Variants in LRRC3B observed in about 807,000 individuals in gnomAD.
LRRC3B encodes the protein leucine-rich repeat-containing protein 3B.
A neutral mutation model predicts 12.8 loss-of-function variants in LRRC3B; 2 were observed. The observed-to-expected ratio is 0.16, with a 90% CI of 0.06 to 0.49. The LOEUF (loss-of-function observed/expected upper bound fraction) is 0.49. Ranked by LOEUF, LRRC3B falls within the 20% of genes least tolerant of loss-of-function variation. The probability of loss-of-function intolerance (pLI) is 0.96; values close to 1 mark genes in which losing one functional copy is unlikely to be tolerated. For missense variants in LRRC3B, 189 were observed against 319.4 expected (o/e 0.59, Z 3.11); for synonymous variants, 132 against 122.0 (o/e 1.08, Z -0.54).
intron 1 of LRRC3B, chr3:26,625,568 G>T (rs903261278): frequency 6.6e-6 from 1 of 152,188 alleles, no homozygotes; most frequent in Non-Finnish European, 1.5e-5. Flanking sequence ...ACCCCCCCAA[G>T]GCTCATTTCT....
chr3:26,685,523 C>CTCTATATATA (rs1200535225), intron 1 of LRRC3B, among the ~76,000 whole-genome samples: 2 of 38,320 alleles, frequency 5.2e-5, no homozygotes, highest in African/African-American at 2.6e-4. Context: ...CTCTCTCTCT[C>CTCTATATATA]TATATATATA....
At chr3:26,623,712 G>A (rs1698558939) in intron 1 of LRRC3B, 1 of 152,360 alleles carries the variant, frequency 6.6e-6, no homozygotes, top group Admixed American at 6.5e-5. Flanking sequence ...AATAAGAGAG[G>A]TGGGACATGG....
chr3:26,699,064 T>C (rs1384728009), intron 1 of LRRC3B, among the ~76,000 whole-genome samples: 1 of 152,168 alleles, frequency 6.6e-6, no homozygotes, highest in African/African-American at 2.4e-5. Flanking sequence ...TTTTTGTTTT[T>C]TGTTTTTCTT....
rs1491194097 is a variant in LRRC3B at position 26,628,862 on chromosome 3, AAT to A, written c.-161+5626_-161+5627del. 2.9e-3 allele frequency among the ~76,000 whole-genome samples: 434 copies of A among 151,078 alleles called. 2 individuals are homozygous for A. Among genetic ancestry groups the A allele is most frequent in the African/African-American group, 9.8e-3 (406 of 41,302 alleles). On this transcript the variant is annotated intron_variant, in intron 1 of 1. Coordinates refer to ENST00000396641, the Ensembl canonical transcript of LRRC3B. ...GTAAATACTAAAAAAAAAAAAAAAA[AAT>A]CCTCCACAAATAAAAACAGATTTTA... is the stretch of plus-strand genomic sequence containing the variant.
intron 1 of LRRC3B, among the ~76,000 whole-genome samples, chr3:26,636,840 G>C (rs185723189): frequency 0.5 from 21,309 of 42,790 alleles, 4,345 homozygotes; most frequent in African/African-American, 0.67. Context: ...CTCCCTCCCT[G>C]CCTCCCTCCC....
At chr3:26,687,283 C>T (rs748551800) in intron 1 of LRRC3B, among the ~76,000 whole-genome samples, 9 of 152,136 alleles carry the variant, frequency 5.9e-5, no homozygotes, top group Non-Finnish European at 1.0e-4. Context: ...ACAGCCTTTG[C>T]TTGCTTCTGC....
intron 1 of LRRC3B, among the ~76,000 whole-genome samples, chr3:26,689,016 T>C (rs1042029655): frequency 6.6e-6 from 1 of 152,144 alleles, no homozygotes; most frequent in Non-Finnish European, 1.5e-5. Context: ...AGTTATCCCA[T>C]AATAGGATGA....
At chr3:26,638,377 G>T (rs796880111) in intron 1 of LRRC3B, among the ~76,000 whole-genome samples, 4 of 152,110 alleles carry the variant, frequency 2.6e-5, no homozygotes, top group African/African-American at 7.2e-5. Context: ...CTTTTAAATG[G>T]AAGGAAATGC....
intron 1 of LRRC3B, among the ~76,000 whole-genome samples, chr3:26,649,250 AG>A (rs1699215657): frequency 6.6e-6 from 1 of 152,178 alleles, no homozygotes; most frequent in South Asian, 2.1e-4. Flanking sequence ...AACATCACAC[AG>A]GTGATCCTTT....
chr3:26,683,474 G>T lies in LRRC3B; in HGVS notation c.-160-26039G>T, dbSNP rs573342443. On this transcript the variant is annotated intron_variant, in intron 1 of 1. Transcript: ENST00000396641. ...TCTAGAGAAATAAACAAGGGGGTTGGAAAAGATATGCTATGAGTTGGATCC... is the reference window on the plus strand; with the variant it reads ...TCTAGAGAAATAAACAAGGGGGTTGTAAAAGATATGCTATGAGTTGGATCC... Among the ~76,000 whole-genome samples, 8 of 152,282 alleles carry T rather than the reference G, an allele frequency of 5.3e-5. No homozygotes were observed. The East Asian group carries it at 1.5e-3, about 29-fold the overall frequency.
chr3:26,671,361 T>TAGAGAGAGAGAG (rs1168710721), intron 1 of LRRC3B, among the ~76,000 whole-genome samples: 2 of 49,258 alleles, frequency 4.1e-5, no homozygotes, highest in Non-Finnish European at 7.6e-5. Context: ...TATATATATA[T>TAGAGAGAGAGAG]ATATATATAT....
intron 1 of LRRC3B, among the ~76,000 whole-genome samples, chr3:26,647,812 C>T (rs1464510806): frequency 6.6e-6 from 1 of 152,130 alleles, no homozygotes; most frequent in African/African-American, 2.4e-5. Context: ...CCATGGAGTA[C>T]ACAGAGCATG....
intron 1 of LRRC3B, among the ~76,000 whole-genome samples, chr3:26,676,338 G>T (rs531256306): frequency 2.0e-5 from 3 of 149,300 alleles, no homozygotes; most frequent in Admixed American, 6.8e-5. Context: ...GCAGTGTTTG[G>T]TTTTTTTGTC....
rs148364798 is a variant in LRRC3B, at chr3:26,674,026, T to C, written c.-160-35487T>C. ...CATAGGCTTGTCAATGATGAGCTTT[T>C]GAACTAAGTCAACTTTGTGATTTAA... On this transcript the variant is annotated intron_variant, in intron 1 of 1. Coordinates refer to ENST00000396641, the Ensembl canonical transcript of LRRC3B. 3.9e-5 allele frequency among the ~76,000 whole-genome samples: 6 copies of C among 152,364 alleles called. No individual in the cohort carries two copies. The East Asian group carries it at 1.2e-3, about 29-fold the overall frequency.
intron 1 of LRRC3B, among the ~76,000 whole-genome samples, chr3:26,678,453 C>A (rs1419902482): frequency 6.6e-6 from 1 of 151,816 alleles, no homozygotes; most frequent in Non-Finnish European, 1.5e-5. Context: ...AAGATCATAC[C>A]ACTGCATTTC....
intron 1 of LRRC3B, among the ~76,000 whole-genome samples, chr3:26,634,343 T>A (rs1278198159): frequency 6.6e-6 from 1 of 152,232 alleles, no homozygotes; most frequent in African/African-American, 2.4e-5. Flanking sequence ...AGTACCGCCC[T>A]ACGCATGGTT....
At chr3:26,691,428 GCTCT>G (rs919742626) in intron 1 of LRRC3B, among the ~76,000 whole-genome samples, 24 of 152,018 alleles carry the variant, frequency 1.6e-4, no homozygotes, top group African/African-American at 4.6e-4. Flanking sequence ...TGAAAATTTG[GCTCT>G]CTATTTCATG....
intron 1 of LRRC3B, among the ~76,000 whole-genome samples, chr3:26,630,782 C>T (rs6807757): frequency 0.24 from 36,585 of 152,026 alleles, 4,583 homozygotes; most frequent in African/African-American, 0.3. Flanking sequence ...TGGTAGATGC[C>T]TTGGAGGTCT....
At chr3:26,658,031 C>T (rs538799316) in intron 1 of LRRC3B, among the ~76,000 whole-genome samples, 1 of 152,218 alleles carries the variant, frequency 6.6e-6, no homozygotes, top group South Asian at 2.1e-4. Context: ...CTTGACTTTA[C>T]TCAAGCCACT....
Sources: allele counts gnomAD v4.1 joint callset (sites outside exome capture counted in the v4.1 genomes callset), GRCh38; gene constraint gnomAD v4.1.1; transcripts MANE v1.5; gene names NCBI Gene and HGNC (gene_info 2026-07-23, HGNC 2026-07-21).